The following TJP2 variants were observed in gnomAD, a reference collection of about 807,000 sequenced individuals.
TJP2 encodes Friedreich ataxia region gene X104 (tight junction protein ZO-2).
Under a neutral mutation model 133.1 loss-of-function variants are expected in TJP2, and 91 were observed. The observed-to-expected ratio is 0.68, with a 90% CI of 0.58 to 0.81. The LOEUF is 0.81. Ranked by LOEUF, TJP2 falls within the 40% of genes least tolerant of loss-of-function variation. The probability of loss-of-function intolerance (pLI) is 0.00; values close to 1 mark genes in which losing one functional copy is unlikely to be tolerated. For synonymous variants in TJP2, 592 were observed against 583.4 expected (o/e 1.01, Z -0.21); for missense variants, 1,541 against 1,565.6 (o/e 0.98, Z 0.26).
intron 5 of TJP2, among the ~76,000 whole-genome samples, chr9:69,224,527 A>G (rs1829175351): frequency 6.6e-6 from 1 of 152,078 alleles, no homozygotes; most frequent in South Asian, 2.1e-4. Flanking sequence ...AAATACAACA[A>G]TTAGCTGGGC....
At chr9:69,174,500 C>T (rs1023513709) in intron 1 of TJP2, 68 bp downstream of exon 1, 1 of 1,465,672 alleles carries the variant, frequency 6.8e-7, no homozygotes, top group Non-Finnish European at 9.3e-7. Context: ...GCGCTGGGGG[C>T]TCTGCTCGCG....
intron 2 of TJP2, among the ~76,000 whole-genome samples, chr9:69,160,043 A>G (rs1471885627): frequency 2.6e-5 from 4 of 151,996 alleles, no homozygotes; most frequent in Admixed American, 6.6e-5. Context: ...CAAAGGCAGA[A>G]CTCGATCAAG....
At chr9:69,203,527 C>T (rs1211336790) in intron 1 of TJP2, among the ~76,000 whole-genome samples, 1 of 151,206 alleles carries the variant, frequency 6.6e-6, no homozygotes, top group Non-Finnish European at 1.5e-5. Context: ...TGGTCTTGAA[C>T]TCCTGGCCTC....
At chr9:69,235,292 ATTTT>A (rs1415445392) in intron 12 of TJP2, among the ~76,000 whole-genome samples, 9 of 105,980 alleles carry the variant, frequency 8.5e-5, no homozygotes, top group African/African-American at 2.9e-4. Context: ...TTTCCTCCTA[ATTTT>A]TTATTTATTT....
rs951096858 is a variant in TJP2, at chr9:69,163,326, CTCAG to C, written c.-10+11557_-10+11560del. Reference sequence around the variant, plus strand: ...ACAGGCGTGAGCCACCGCGCCCGGCCTCAGTATCTTTATTTTAAAACATTTTTAG... The same window carrying C: ...ACAGGCGTGAGCCACCGCGCCCGGCCTATCTTTATTTTAAAACATTTTTAG... On this transcript the variant is annotated intron_variant, in intron 2 of 5. Coordinates refer to the TJP2 transcript ENST00000423935. Among the ~76,000 whole-genome samples, 33 of 43,708 alleles carry C rather than the reference CTCAG, an allele frequency of 7.6e-4. 8 individuals carry two copies. Among genetic ancestry groups the C allele is most frequent in the African/African-American group, 2.8e-3 (31 of 10,956 alleles). The allele number at this position is 43,708 out of a possible 152,430, so 28.7% of individuals were successfully genotyped here. A position where few individuals can be genotyped will look rare whatever the true frequency, so the allele number is the denominator to read the frequency against.
chr9:69,189,482 T>C (rs1826069586), intron 1 of TJP2, among the ~76,000 whole-genome samples: 1 of 152,250 alleles, frequency 6.6e-6, no homozygotes. Flanking sequence ...CTGAGTGTGG[T>C]GGCATATGCC....
intron 2 of TJP2, among the ~76,000 whole-genome samples, chr9:69,165,434 G>T (rs949005683): frequency 6.6e-6 from 1 of 152,104 alleles, no homozygotes; most frequent in Non-Finnish European, 1.5e-5. Context: ...ACCATGCCCG[G>T]TGGGTTTGGA....
At chr9:69,224,515 T>TA (rs1829174493) in intron 5 of TJP2, among the ~76,000 whole-genome samples, 1 of 151,990 alleles carries the variant, frequency 6.6e-6, no homozygotes, top group Non-Finnish European at 1.5e-5. Flanking sequence ...CTGTCTCTAC[T>TA]AAAATACAAC....
At position 69,122,567 on chromosome 9, in the gene TJP2, A is replaced by G. The variant is rs529676535; in HGVS notation, c.-131+842A>G. Among the ~76,000 whole-genome samples the G allele has an allele frequency of 3.9e-5, 6 of 152,330 alleles. No individual in the cohort carries two copies. In the East Asian group the frequency reaches 1.2e-3, roughly 29 times the overall value. ...GGCGTTGTAAGTTTCCCAGGGCTGC[A>G]TTGCAAGGTTCTTCTATAGGGAGCT... On this transcript the variant is annotated intron_variant, in intron 1 of 5. Transcript: ENST00000423935.
chr9:69,176,914 G>A (rs1417220138), intron 1 of TJP2, among the ~76,000 whole-genome samples: 2 of 151,730 alleles, frequency 1.3e-5, no homozygotes, highest in Admixed American at 6.6e-5. Flanking sequence ...AATATAAATA[G>A]TAATTTAAAA....
At chr9:69,250,392 C>T (rs1831245848) in intron 20 of TJP2, among the ~76,000 whole-genome samples, 1 of 152,220 alleles carries the variant, frequency 6.6e-6, no homozygotes, top group Non-Finnish European at 1.5e-5. Flanking sequence ...GCGTGAGCCA[C>T]TGCGCCCAGC....
In TJP2 at chr9:69,135,466, A is replaced by C. The variant is rs529929704; in HGVS notation, c.-131+13741A>C. 1.8e-4 allele frequency among the ~76,000 whole-genome samples: 28 copies of C among 152,170 alleles called. No individual in the cohort carries two copies. The South Asian group carries it at 1.9e-3, about 10-fold the overall frequency. The stretch of plus-strand genomic sequence containing the variant: ...TGTTGTTGTTTGTTTTTTGAGGCAG[A>C]GTCTCGCTCTGTCACCCAGGCTGGA... On this transcript the variant is annotated intron_variant, in intron 1 of 5. Transcript: ENST00000423935.
chr9:69,202,872 G>C (rs1009392532), intron 1 of TJP2, among the ~76,000 whole-genome samples: 1 of 151,974 alleles, frequency 6.6e-6, no homozygotes, highest in African/African-American at 2.4e-5. Flanking sequence ...CTGTTCAAGG[G>C]CCAACTGTAC....
chr9:69,237,119 G>A lies in TJP2; in HGVS notation c.2162G>A (p.Arg721Lys), dbSNP rs751590493. 1 of 1,614,144 alleles carries A rather than the reference G, an allele frequency of 6.2e-7. No individual in the cohort carries two copies. Among genetic ancestry groups the A allele is most frequent in the Non-Finnish European group, 8.5e-7 (1 of 1,179,998 alleles). ...SVSTKFPAYE[R>K]VLLREAGFKR... ...AGCACCAAGTTCCCAGCTTATGAGA[G>A]GGTTTTGCTGCGAGAAGGTGAGGAA... Residue 721 changes from arginine to lysine, a missense_variant, in exon 14 of 23, where the codon AGG (arginine) becomes AAG (lysine). Transcript: ENST00000377245.
chr9:69,209,382 C>T (rs1827683400), intron 1 of TJP2, among the ~76,000 whole-genome samples: 1 of 152,182 alleles, frequency 6.6e-6, no homozygotes. Flanking sequence ...GATCCACCTG[C>T]CTTGGCCTCC....
At position 69,180,766 on chromosome 9, in the gene TJP2, G is replaced by T. The variant is rs549000027; in HGVS notation, c.60+6334G>T. Among the ~76,000 whole-genome samples the T allele has an allele frequency of 2.0e-5, 3 of 152,334 alleles. No individual in the cohort carries two copies. In the East Asian group the frequency reaches 5.8e-4, roughly 29 times the overall value. ...TGAATCATTTGGAAGGAACTTCCTG[G>T]TGAGCTCAGTTTTAGCAGCCTGGTT... On this transcript the variant is annotated intron_variant, in intron 1 of 22. Coordinates refer to ENST00000377245, the MANE Select transcript of TJP2 (RefSeq NM_004817.4).
intron 2 of TJP2, among the ~76,000 whole-genome samples, chr9:69,214,832 C>T (rs1235288574): frequency 1.4e-5 from 2 of 142,140 alleles, no homozygotes; most frequent in Non-Finnish European, 3.0e-5. Flanking sequence ...AGCACCACTG[C>T]ACTCCAGCCT....
At chr9:69,136,342 G>T (rs1305644960) in intron 1 of TJP2, among the ~76,000 whole-genome samples, 1 of 152,142 alleles carries the variant, frequency 6.6e-6, no homozygotes, top group African/African-American at 2.4e-5. Context: ...GACATAGTGA[G>T]ACTTCATCTC....
intron 2 of TJP2, among the ~76,000 whole-genome samples, chr9:69,153,549 A>G (rs11145474): frequency 0.015 from 2,227 of 152,308 alleles, 60 homozygotes; most frequent in African/African-American, 0.049. Flanking sequence ...GTGCCACTGC[A>G]TTCCAGCCTT....
Sources: allele counts gnomAD v4.1 joint callset (sites outside exome capture counted in the v4.1 genomes callset), GRCh38; gene constraint gnomAD v4.1.1; transcripts MANE v1.5; gene names NCBI Gene and HGNC (gene_info 2026-07-23, HGNC 2026-07-21).